The following EBF1 variants were observed in gnomAD, a reference collection of about 807,000 sequenced individuals.
EBF1 encodes EBF transcription factor 1, also known as transcription factor COE1.
A neutral mutation model predicts 68.4 loss-of-function variants in EBF1; 10 were observed. That is an observed-to-expected ratio of 0.15 (90% CI 0.09 to 0.25). The LOEUF is 0.25. EBF1 is among the 10% of genes least tolerant of loss of function. EBF1 has a pLI of 1.00. For missense variants in EBF1, 509 were observed against 794.4 expected, an observed-to-expected ratio of 0.64 and a Z score of 4.32; for synonymous variants, 298 against 299.8, an observed-to-expected ratio of 0.99 and a Z score of 0.06.
chr5:159,034,905 C>T (rs190259318), intron 6 of EBF1, among the ~76,000 whole-genome samples: 53 of 152,258 alleles, frequency 3.5e-4, no homozygotes, highest in Admixed American at 3.0e-3. Context: ...TGCCCTATCC[C>T]CATTTTTCCC....
chr5:158,811,076 G>A (rs967734678), intron 8 of EBF1, among the ~76,000 whole-genome samples: 2 of 152,032 alleles, frequency 1.3e-5, no homozygotes, highest in Admixed American at 1.3e-4. Context: ...TAACAATGAT[G>A]ACCACCTAAT....
At chr5:158,981,185 T>G (rs1380716597) in intron 6 of EBF1, among the ~76,000 whole-genome samples, 3 of 151,990 alleles carry the variant, frequency 2.0e-5, no homozygotes, top group Non-Finnish European at 4.4e-5. Flanking sequence ...TATAATATCC[T>G]TGCATCAAAA....
chr5:158,993,860 G>T (rs193053132), intron 6 of EBF1, among the ~76,000 whole-genome samples: 2 of 152,322 alleles, frequency 1.3e-5, no homozygotes, highest in East Asian at 3.9e-4. Context: ...ACAGACTGAT[G>T]GAACATCTCA....
intron 10 of EBF1, among the ~76,000 whole-genome samples, chr5:158,749,345 T>C (rs1768260383): frequency 6.6e-6 from 1 of 152,164 alleles, no homozygotes; most frequent in South Asian, 2.1e-4. Context: ...AAATATGCAA[T>C]GCCATCTCTT....
intron 5 of EBF1, among the ~76,000 whole-genome samples, chr5:159,077,663 G>A (rs1445933346): frequency 6.6e-6 from 1 of 151,370 alleles, no homozygotes; most frequent in African/African-American, 2.4e-5. Flanking sequence ...GAACTTCAAA[G>A]AGTTAACCTA....
chr5:159,095,380 A>T (rs145081011), intron 4 of EBF1, among the ~76,000 whole-genome samples: 1 of 152,130 alleles, frequency 6.6e-6, no homozygotes, highest in East Asian at 1.9e-4. Flanking sequence ...AGCACCCTGC[A>T]GTCTTAATTC....
At chr5:158,940,169 C>A (rs910180692) in intron 6 of EBF1, among the ~76,000 whole-genome samples, 3 of 152,186 alleles carry the variant, frequency 2.0e-5, no homozygotes, top group African/African-American at 4.8e-5. Context: ...AAGAGAACCA[C>A]AAAGCAACTA....
intron 6 of EBF1, among the ~76,000 whole-genome samples, chr5:158,978,835 C>CACACACACACAGAGAG (rs753714441): frequency 2.7e-4 from 39 of 147,044 alleles, no homozygotes; most frequent in African/African-American, 9.3e-4. Context: ...CACACACACA[C>CACACACACACAGAGAG]AGAGAGAGAG....
rs73301918 is a variant in EBF1, at chr5:158,964,998, A to G, written c.554+108398T>C. ...TGTGATGCGTCAAACAAATAATCCA[A>G]CGTGTTGAGATATTTGGTAACCAGA... On this transcript the variant is annotated intron_variant, in intron 6 of 15. Coordinates refer to ENST00000313708, the MANE Select transcript of EBF1 (RefSeq NM_024007.5). 2.7e-3 allele frequency among the ~76,000 whole-genome samples: 417 copies of G among 152,280 alleles called. 1 individual carries two copies. Among genetic ancestry groups the G allele is most frequent in the African/African-American group, 9.4e-3 (392 of 41,560 alleles).
chr5:159,094,578 A>G (rs945953409), intron 4 of EBF1, among the ~76,000 whole-genome samples: 2 of 152,210 alleles, frequency 1.3e-5, no homozygotes, highest in African/African-American at 4.8e-5. Context: ...ATGCATATAT[A>G]CCCTAATTTG....
chr5:158,940,101 A>T (rs1442624258), intron 6 of EBF1, among the ~76,000 whole-genome samples: 3 of 152,206 alleles, frequency 2.0e-5, no homozygotes, highest in Admixed American at 1.3e-4. Context: ...GCATTCTGGG[A>T]GAGTTTTCTT....
chr5:158,723,536 C>CA (rs2127524610), intron 11 of EBF1, among the ~76,000 whole-genome samples: 1 of 152,158 alleles, frequency 6.6e-6, no homozygotes, highest in East Asian at 1.9e-4. Context: ...GGAACTCTGG[C>CA]AAAATATATG....
At chr5:158,811,122 C>G (rs1782571477) in intron 8 of EBF1, among the ~76,000 whole-genome samples, 1 of 152,124 alleles carries the variant, frequency 6.6e-6, no homozygotes, top group Admixed American at 6.6e-5. Context: ...CTGAGTATTT[C>G]AAGTTGCAGG....
chr5:158,823,151 C>A (rs773295428), intron 8 of EBF1, 25 bp downstream of exon 8: 10 of 1,613,636 alleles, frequency 6.2e-6, no homozygotes, highest in Non-Finnish European at 8.5e-6. Flanking sequence ...GTAGCAATGC[C>A]AACCAATGAA....
chr5:159,017,280 C>T (rs1468388130), intron 6 of EBF1, among the ~76,000 whole-genome samples: 1 of 152,168 alleles, frequency 6.6e-6, no homozygotes, highest in Non-Finnish European at 1.5e-5. Context: ...TTTTGTTTTG[C>T]TTTCATAGTG....
At chr5:158,955,942 A>G (rs1341025865) in intron 6 of EBF1, among the ~76,000 whole-genome samples, 1 of 152,170 alleles carries the variant, frequency 6.6e-6, no homozygotes, top group East Asian at 1.9e-4. Flanking sequence ...TTTATGCAAC[A>G]AATACTTATT....
intron 6 of EBF1, among the ~76,000 whole-genome samples, chr5:159,016,483 A>G (rs1410646515): frequency 6.6e-6 from 1 of 152,244 alleles, no homozygotes; most frequent in Non-Finnish European, 1.5e-5. Context: ...GTGAGTTAAA[A>G]TGTGACTCCA....
chr5:158,928,613 G>C (rs1472390335), intron 6 of EBF1, among the ~76,000 whole-genome samples: 3 of 152,144 alleles, frequency 2.0e-5, no homozygotes, highest in Non-Finnish European at 2.9e-5. Flanking sequence ...AATGAAATTG[G>C]GATGTCCATT....
chr5:158,975,044 T>A (rs1202109927), intron 6 of EBF1, among the ~76,000 whole-genome samples: 2 of 152,166 alleles, frequency 1.3e-5, no homozygotes, highest in Non-Finnish European at 2.9e-5. Flanking sequence ...AAAGACCCCA[T>A]CAGCTCTGGT....
Sources: allele counts gnomAD v4.1 joint callset (sites outside exome capture counted in the v4.1 genomes callset), GRCh38; gene constraint gnomAD v4.1.1; transcripts MANE v1.5; gene names NCBI Gene and HGNC (gene_info 2026-07-23, HGNC 2026-07-21).